Variants in FRMD6 observed in about 807,000 individuals in gnomAD.
The protein encoded by FRMD6 is FERM domain-containing protein 6.
Under a neutral mutation model 73.2 loss-of-function variants are expected in FRMD6, and 37 were observed. The observed-to-expected ratio is 0.51, with a 90% CI of 0.39 to 0.66. FRMD6 has a LOEUF of 0.66. Among genes scored for constraint, FRMD6 ranks in the 30% least tolerant of loss-of-function variants. The probability of loss-of-function intolerance (pLI) is 0.00; values close to 1 mark genes in which losing one functional copy is unlikely to be tolerated. For missense variants in FRMD6, 714 were observed against 780.5 expected (o/e 0.91, Z 1.02); for synonymous variants, 273 against 282.2 (o/e 0.97, Z 0.33).
the FRMD6 span, among the ~76,000 whole-genome samples, chr14:51,416,116 T>A: frequency 6.6e-6 from 1 of 152,230 alleles, no homozygotes; most frequent in African/African-American, 2.4e-5. Context: ...CCTGGATTCA[T>A]TGATTTTTTG....
At chr14:51,691,382 T>C (rs909731195) in intron 2 of FRMD6, among the ~76,000 whole-genome samples, 2 of 152,098 alleles carry the variant, frequency 1.3e-5, no homozygotes, top group Non-Finnish European at 2.9e-5. Flanking sequence ...TACACTATGT[T>C]TAGCCTTGGT....
intron 2 of FRMD6, among the ~76,000 whole-genome samples, chr14:51,589,642 G>C (rs957577130): frequency 9.2e-5 from 14 of 152,184 alleles, no homozygotes; most frequent in African/African-American, 3.4e-4. Flanking sequence ...TCTGGTTCTG[G>C]AATTGGGGAC....
chr14:51,711,640 C>A (rs2140523170), intron 8 of FRMD6, 44 bp downstream of exon 8: 1 of 1,368,494 alleles, frequency 7.3e-7, no homozygotes. Flanking sequence ...GCCATGTCTT[C>A]TGTTTACAGC....
At chr14:51,660,139 A>G (rs964447652) in intron 1 of FRMD6, among the ~76,000 whole-genome samples, 2 of 152,306 alleles carry the variant, frequency 1.3e-5, no homozygotes. Context: ...TTAGCACTTT[A>G]AAAATGTTCA....
intron 2 of FRMD6, among the ~76,000 whole-genome samples, chr14:51,603,707 G>A (rs1449129848): frequency 6.6e-6 from 1 of 152,116 alleles, no homozygotes; most frequent in Non-Finnish European, 1.5e-5. Context: ...CACTAGTTAC[G>A]TAACCTGGAC....
At chr14:51,597,630 G>T (rs2139779777) in intron 2 of FRMD6, among the ~76,000 whole-genome samples, 1 of 152,358 alleles carries the variant, frequency 6.6e-6, no homozygotes, top group South Asian at 2.1e-4. Flanking sequence ...TGTAAGTGGG[G>T]ATAATGGTGC....
At chr14:51,638,030 C>G (rs1182572629) in intron 2 of FRMD6, 2 of 152,276 alleles carry the variant, frequency 1.3e-5, no homozygotes, top group Non-Finnish European at 2.9e-5. Context: ...GTAATACCAG[C>G]ACTTTGGGAG....
upstream of FRMD6, among the ~76,000 whole-genome samples, chr14:51,648,135 A>C (rs55760336): frequency 0.11 from 17,017 of 152,246 alleles, 1,281 homozygotes; most frequent in Non-Finnish European, 0.17. Flanking sequence ...AATAAGCCTG[A>C]ATTATACAAA....
At chr14:51,479,855 G>A in the FRMD6 span, among the ~76,000 whole-genome samples, 2 of 152,176 alleles carry the variant, frequency 1.3e-5, no homozygotes, top group African/African-American at 4.8e-5. Context: ...AGAGGCATGT[G>A]GGTTGCTGCC....
intron 1 of FRMD6, among the ~76,000 whole-genome samples, chr14:51,555,057 T>C (rs760118317): frequency 2.0e-5 from 3 of 152,218 alleles, no homozygotes; most frequent in Non-Finnish European, 4.4e-5. Context: ...CTCGATGCAT[T>C]GTGGACCCTT....
In FRMD6 at chr14:51,511,870, T is replaced by TATAATAATAATA. The variant is rs147559656; in HGVS notation, c.-210+22461_-210+22472dup. Among the ~76,000 whole-genome samples the TATAATAATAATA allele has an allele frequency of 1.9e-3, 281 of 150,304 alleles. 2 individuals are homozygous for TATAATAATAATA. The highest frequency in any genetic ancestry group is 6.7e-3 in the African/African-American group (273 of 40,930). ...TGCACATGTACCCCAGAACTTAAAG[T>TATAATAATAATA]ATAATAATAATAATAATAATAAAGA... On this transcript the variant is annotated intron_variant, in intron 1 of 14. Transcript: ENST00000356218.
At chr14:51,483,149 T>C in the FRMD6 span, among the ~76,000 whole-genome samples, 1 of 152,238 alleles carries the variant, frequency 6.6e-6, no homozygotes, top group African/African-American at 2.4e-5. Flanking sequence ...AGTGTTTTTC[T>C]TTAAACCATT....
At chr14:51,620,379 A>G (rs1292148846) in intron 2 of FRMD6, among the ~76,000 whole-genome samples, 1 of 152,116 alleles carries the variant, frequency 6.6e-6, no homozygotes, top group African/African-American at 2.4e-5. Flanking sequence ...ATTCCGCAAA[A>G]CCACAAGGAA....
At chr14:51,708,771 A>G (rs1453389433) in intron 7 of FRMD6, among the ~76,000 whole-genome samples, 1 of 152,140 alleles carries the variant, frequency 6.6e-6, no homozygotes, top group Admixed American at 6.5e-5. Flanking sequence ...AGTCCAGGAA[A>G]CTGAGGCTTA....
At chr14:51,720,974 T>G (rs558357577) in intron 11 of FRMD6, among the ~76,000 whole-genome samples, 4 of 152,370 alleles carry the variant, frequency 2.6e-5, no homozygotes, top group African/African-American at 9.6e-5. Flanking sequence ...TCTTTTATAT[T>G]ATTTTTCTGT....
At chr14:51,488,045 T>C (rs141104086), upstream of FRMD6, among the ~76,000 whole-genome samples, 1 of 152,326 alleles carries the variant, frequency 6.6e-6, no homozygotes, top group African/African-American at 2.4e-5. Flanking sequence ...TCTGCTTTCT[T>C]CTGCAGTGGC....
the FRMD6 span, among the ~76,000 whole-genome samples, chr14:51,438,234 T>C: frequency 0.9 from 137,458 of 152,260 alleles, 62,264 homozygotes; most frequent in Non-Finnish European, 0.92. Flanking sequence ...AAATTCTCTC[T>C]GAATGATGAC....
At chr14:51,718,085 G>C (rs1362472186) in intron 10 of FRMD6, among the ~76,000 whole-genome samples, 1 of 152,186 alleles carries the variant, frequency 6.6e-6, no homozygotes, top group East Asian at 1.9e-4. Flanking sequence ...GATTATTAGG[G>C]GGATGAGAGG....
At position 51,689,711 on chromosome 14, in the gene FRMD6, A is replaced by T. The variant is rs1470546986; in HGVS notation, c.-126A>T. 17 of 684,958 alleles carry T rather than the reference A, an allele frequency of 2.5e-5. No individual in the cohort carries two copies. Among genetic ancestry groups the T allele is most frequent in the Non-Finnish European group, 4.6e-5 (17 of 371,406 alleles). The allele number at this position is 684,958 out of a possible 1,614,324, so 42.4% of individuals were successfully genotyped here. A position where few individuals can be genotyped will look rare whatever the true frequency, so the allele number is the denominator to read the frequency against. The stretch of plus-strand genomic sequence containing the variant: ...CACAGCTATGAAACCCACGTAGTCG[A>T]ACACCGTGATGCTTCTCCTGCAGGG... On this transcript the variant is annotated 5_prime_UTR_variant, in exon 2 of 14. Coordinates refer to ENST00000344768, the MANE Select transcript of FRMD6 (RefSeq NM_001267046.2).
Sources: allele counts gnomAD v4.1 joint callset (sites outside exome capture counted in the v4.1 genomes callset), GRCh38; gene constraint gnomAD v4.1.1; transcripts MANE v1.5; gene names NCBI Gene and HGNC (gene_info 2026-07-23, HGNC 2026-07-21).